Variants in NEDD4L observed in about 807,000 individuals in gnomAD.
NEDD4L encodes the protein NEDD4 like E3 ubiquitin protein ligase.
A neutral mutation model predicts 148.9 loss-of-function variants in NEDD4L; 54 were observed. The ratio of observed to expected loss-of-function variants is 0.36; its 90% CI spans 0.29 to 0.45. The LOEUF (loss-of-function observed/expected upper bound fraction) is 0.45. Ranked by LOEUF, NEDD4L falls within the 20% of genes least tolerant of loss-of-function variation. NEDD4L has a pLI of 1.00. For synonymous variants in NEDD4L, 433 were observed against 440.7 expected (o/e 0.98, Z 0.22); for missense variants, 856 against 1,233.8 (o/e 0.69, Z 4.59).
At chr18:58,388,445 T>G (rs1212265262) in intron 27 of NEDD4L, 2 of 152,370 alleles carry the variant, frequency 1.3e-5, no homozygotes, top group East Asian at 3.8e-4. Flanking sequence ...GGCTTCTGGC[T>G]TAGTTCTGTT....
intron 1 of NEDD4L, among the ~76,000 whole-genome samples, chr18:58,073,157 G>A (rs2082977557): frequency 6.6e-6 from 1 of 151,740 alleles, no homozygotes; most frequent in South Asian, 2.1e-4. Flanking sequence ...TTGTTAATAC[G>A]GCCAATACTC....
intron 1 of NEDD4L, among the ~76,000 whole-genome samples, chr18:58,098,159 G>C (rs984677191): frequency 6.6e-6 from 1 of 152,192 alleles, no homozygotes; most frequent in Non-Finnish European, 1.5e-5. Context: ...GCCATGGGAA[G>C]GGGGAGAGTT....
intron 1 of NEDD4L, 33 bp downstream of exon 1, chr18:58,044,741 C>T (rs776641178): frequency 1.9e-6 from 3 of 1,599,046 alleles, no homozygotes; most frequent in Non-Finnish European, 2.6e-6. Context: ...TCGGGACTCC[C>T]CGGGGAGTTC....
chr18:58,238,171 G>A (rs1157141556), intron 2 of NEDD4L, among the ~76,000 whole-genome samples: 1 of 152,076 alleles, frequency 6.6e-6, no homozygotes, highest in African/African-American at 2.4e-5. Context: ...TGCCAGTATT[G>A]GTGATGAGTG....
In NEDD4L at chr18:58,183,647, G is replaced by T. The variant is rs371755064; in HGVS notation, c.122+17786G>T. Reference sequence around the variant, plus strand: ...TTCACTTCGAAGCTCCATGCTGCACGCATGGGCCTGTAAATAGCTTTTTCG... The same window carrying T: ...TTCACTTCGAAGCTCCATGCTGCACTCATGGGCCTGTAAATAGCTTTTTCG... On this transcript the variant is annotated intron_variant, in intron 2 of 30. Coordinates refer to ENST00000400345, the MANE Select transcript of NEDD4L (RefSeq NM_001144967.3). Among the ~76,000 whole-genome samples the T allele has an allele frequency of 7.2e-5, 11 of 152,164 alleles. No homozygotes were observed. The East Asian group carries it at 1.7e-3, about 24-fold the overall frequency.
intron 1 of NEDD4L, among the ~76,000 whole-genome samples, chr18:58,164,887 T>G (rs2036656259): frequency 6.6e-6 from 1 of 152,244 alleles, no homozygotes; most frequent in African/African-American, 2.4e-5. Flanking sequence ...TCTCCCCATT[T>G]AGTGATACAT....
chr18:58,195,826 A>C, intron 2 of NEDD4L: 1 of 745,580 alleles, frequency 1.3e-6, no homozygotes, highest in Non-Finnish European at 2.1e-6. Context: ...CATTAGCTTT[A>C]ACCCAAATGT....
At chr18:58,081,254 C>T (rs1248694488) in intron 1 of NEDD4L, among the ~76,000 whole-genome samples, 1 of 130,522 alleles carries the variant, frequency 7.7e-6, no homozygotes, top group East Asian at 2.3e-4. Context: ...CACGCTCTGT[C>T]GTCTGGGCTG....
chr18:58,370,355 G>A (rs1374643235), intron 22 of NEDD4L, 42 bp from the exon 23 acceptor site: 1 of 1,224,624 alleles, frequency 8.2e-7, no homozygotes, highest in Non-Finnish European at 1.2e-6. Context: ...ACATAGCAGT[G>A]TCAAAGACCT....
In NEDD4L at chr18:58,115,074, G is replaced by C. The variant is rs72942954; in HGVS notation, c.49-50714G>C. 2.2e-3 allele frequency among the ~76,000 whole-genome samples: 328 copies of C among 152,210 alleles called. 2 individuals carry two copies. The highest frequency in any genetic ancestry group is 7.2e-3 in the African/African-American group (297 of 41,522). On this transcript the variant is annotated intron_variant, in intron 1 of 30. Transcript: ENST00000400345. The stretch of plus-strand genomic sequence containing the variant: ...TCACAGGTTCTGGGGATTAGGACTC[G>C]CGCATCTTGGGGGACCGTCATTCCA...
chr18:58,337,009 A>G (rs1476134405), intron 13 of NEDD4L, among the ~76,000 whole-genome samples: 1 of 152,162 alleles, frequency 6.6e-6, no homozygotes, highest in Non-Finnish European at 1.5e-5. Flanking sequence ...ACCTGCGTGT[A>G]GCTTTGGAGT....
intron 1 of NEDD4L, chr18:58,044,966 G>C: frequency 2.2e-6 from 1 of 448,816 alleles, no homozygotes; most frequent in Middle Eastern, 5.9e-4. Context: ...GCAGCTCCTC[G>C]CTTTCGGGAG....
chr18:58,183,969 G>C (rs562990860), intron 2 of NEDD4L, among the ~76,000 whole-genome samples: 5 of 152,016 alleles, frequency 3.3e-5, no homozygotes, highest in Non-Finnish European at 5.9e-5. Context: ...GGAGATCAAG[G>C]CCATCCTGGC....
intron 5 of NEDD4L, among the ~76,000 whole-genome samples, chr18:58,311,763 C>T (rs974745506): frequency 6.6e-6 from 1 of 152,184 alleles, no homozygotes; most frequent in East Asian, 1.9e-4. Flanking sequence ...GAAATTGAGT[C>T]TTGAGTATTT....
At position 58,386,969 on chromosome 18, in the gene NEDD4L, A is replaced by T. The variant is rs188284025; in HGVS notation, c.2488-470A>T. 3.1e-3 allele frequency among the ~76,000 whole-genome samples: 469 copies of T among 152,242 alleles called. 1 individual carries two copies. Among genetic ancestry groups the T allele is most frequent in the African/African-American group, 0.011 (451 of 41,540 alleles). On this transcript the variant is annotated intron_variant, in intron 26 of 30. Coordinates refer to ENST00000400345, the MANE Select transcript of NEDD4L (RefSeq NM_001144967.3). ...CCCAGCAGAGCTGAGCTCATCCTAG[A>T]TCACGCCACAGTTAGTGGTACCTGG...
intron 5 of NEDD4L, among the ~76,000 whole-genome samples, chr18:58,272,804 G>C (rs979033124): frequency 6.6e-6 from 1 of 152,204 alleles, no homozygotes; most frequent in Non-Finnish European, 1.5e-5. Context: ...TTCTAGAGAT[G>C]CAAGTAGTAC....
chr18:58,054,122 T>A (rs1206557069), intron 1 of NEDD4L, among the ~76,000 whole-genome samples: 1 of 152,226 alleles, frequency 6.6e-6, no homozygotes, highest in Non-Finnish European at 1.5e-5. Context: ...TTACTTTGGT[T>A]TTTCAGAAAA....
At chr18:58,093,492 G>A (rs1225692881) in intron 1 of NEDD4L, among the ~76,000 whole-genome samples, 1 of 151,678 alleles carries the variant, frequency 6.6e-6, no homozygotes, top group Non-Finnish European at 1.5e-5. Flanking sequence ...TAGGAGTAGC[G>A]AGCTAGAGTT....
rs1302326421 is a variant in NEDD4L, at chr18:58,335,511, A to G, written c.1099A>G (p.Thr367Ala). Residue 367 changes from threonine (T) to alanine (A), a missense_variant, in exon 13 of 31, where the codon ACT becomes GCT. Around this residue, in one of 4 missense-constraint regions of NEDD4L, gnomAD observed 367 missense variants for 422.7 expected, o/e 0.87. Transcript: ENST00000400345. ...SAPAGRARSS[T>A]VTGGEEPTPS... is the part of the protein sequence containing the mutation. ...CCCAGCTGGGAGAGCGCGTTCATCA[A>G]CTGTCACGGGTGGTGAGGAACCAAC... 5 of 1,613,572 alleles carry G rather than the reference A, an allele frequency of 3.1e-6. No individual in the cohort carries two copies. Among genetic ancestry groups the G allele is most frequent in the Admixed American group, 3.3e-5 (2 of 59,986 alleles).
Sources: allele counts gnomAD v4.1 joint callset (sites outside exome capture counted in the v4.1 genomes callset), GRCh38; gene constraint gnomAD v4.1.1; regional missense constraint gnomAD v4.1.1; transcripts MANE v1.5; gene names NCBI Gene and HGNC (gene_info 2026-07-23, HGNC 2026-07-21).